GABRB2: variants seen among roughly 807,000 people sequenced by gnomAD.
GABRB2 encodes the protein gamma-aminobutyric acid type A receptor subunit beta2, also known as gamma-aminobutyric acid receptor subunit beta-2.
In GABRB2, 16 loss-of-function variants were observed where a neutral mutation model predicts 54.7. The ratio of observed to expected loss-of-function variants is 0.29; its 90% CI spans 0.20 to 0.44. The LOEUF is 0.44. Ranked by LOEUF, GABRB2 falls within the 20% of genes least tolerant of loss-of-function variation. The pLI is 1.00. For missense variants in GABRB2, 355 were observed against 644.0 expected, an observed-to-expected ratio of 0.55 and a Z score of 4.86; for synonymous variants, 244 against 233.8, an observed-to-expected ratio of 1.04 and a Z score of -0.40.
intron 9 of GABRB2, among the ~76,000 whole-genome samples, chr5:161,323,510 T>C (rs1758277467): frequency 6.6e-6 from 1 of 152,200 alleles, no homozygotes; most frequent in Non-Finnish European, 1.5e-5. Context: ...TAGGTAGATT[T>C]CTTCTGATTC....
chr5:161,388,210 C>T (rs981797794), intron 5 of GABRB2, among the ~76,000 whole-genome samples: 3 of 152,086 alleles, frequency 2.0e-5, no homozygotes, highest in African/African-American at 7.2e-5. Context: ...CTATGGATGT[C>T]ACATACATGA....
In GABRB2 at chr5:161,426,838, G is replaced by T. The variant is rs183407719; in HGVS notation, c.459-15781C>A. On this transcript the variant is annotated intron_variant, in intron 4 of 9. Transcript: ENST00000393959. ...GGCAAGGATTAAAGCGATCACACTT[G>T]ATCTCTGGATGAAAAAAAAGAAAAT... Among the ~76,000 whole-genome samples the T allele has an allele frequency of 2.8e-4, 43 of 152,148 alleles. No individual in the cohort carries two copies. The East Asian group carries it at 7.9e-3, about 28-fold the overall frequency.
intron 5 of GABRB2, among the ~76,000 whole-genome samples, chr5:161,377,442 G>T (rs1445575317): frequency 6.6e-6 from 1 of 152,064 alleles, no homozygotes; most frequent in Non-Finnish European, 1.5e-5. Context: ...TGCTGTTACT[G>T]AGAGATTAAA....
At chr5:161,360,657 C>A (rs1306905064) in intron 5 of GABRB2, among the ~76,000 whole-genome samples, 2 of 151,918 alleles carry the variant, frequency 1.3e-5, no homozygotes, top group East Asian at 3.9e-4. Flanking sequence ...TAAGAAAGAA[C>A]AATAGAATGA....
intron 9 of GABRB2, among the ~76,000 whole-genome samples, chr5:161,307,046 G>C (rs1430998160): frequency 6.6e-6 from 1 of 152,182 alleles, no homozygotes; most frequent in Non-Finnish European, 1.5e-5. Flanking sequence ...GATGCTAAAT[G>C]ATGTGCAGCT....
intron 9 of GABRB2, among the ~76,000 whole-genome samples, chr5:161,320,550 A>C (rs548712174): frequency 3.1e-4 from 47 of 152,012 alleles, no homozygotes; most frequent in African/African-American, 1.1e-3. Flanking sequence ...AATTATGATT[A>C]TAAAACTATC....
chr5:161,446,623 T>G (rs1757621635), intron 4 of GABRB2, among the ~76,000 whole-genome samples: 1 of 152,154 alleles, frequency 6.6e-6, no homozygotes, highest in Non-Finnish European at 1.5e-5. Flanking sequence ...TTGAACAAGT[T>G]ACTGAATTTG....
At chr5:161,508,171 T>C (rs547010310) in intron 3 of GABRB2, among the ~76,000 whole-genome samples, 1 of 151,836 alleles carries the variant, frequency 6.6e-6, no homozygotes, top group East Asian at 1.9e-4. Flanking sequence ...TTTCTAGATA[T>C]AAACCTATTT....
At chr5:161,412,904 T>G (rs1203964655) in intron 4 of GABRB2, among the ~76,000 whole-genome samples, 3 of 152,202 alleles carry the variant, frequency 2.0e-5, no homozygotes, top group South Asian at 4.1e-4. Context: ...TTTTGCTTAT[T>G]TATGGCTTGT....
chr5:161,328,346 T>A (rs1239493399), intron 8 of GABRB2, among the ~76,000 whole-genome samples: 1 of 152,186 alleles, frequency 6.6e-6, no homozygotes, highest in Non-Finnish European at 1.5e-5. Flanking sequence ...TATATTTTAA[T>A]ATTTTATTAA....
intron 3 of GABRB2, among the ~76,000 whole-genome samples, chr5:161,511,135 C>T (rs1759755994): frequency 6.6e-6 from 1 of 151,896 alleles, no homozygotes; most frequent in African/African-American, 2.4e-5. Context: ...TATAGGGGTA[C>T]TTTCTCAAAA....
At chr5:161,521,093 A>T (rs1037790949) in intron 3 of GABRB2, among the ~76,000 whole-genome samples, 4 of 151,984 alleles carry the variant, frequency 2.6e-5, no homozygotes, top group African/African-American at 9.7e-5. Context: ...GGCAAGCTGG[A>T]GGACTACTTG....
chr5:161,330,671 C>A (rs879561332), intron 8 of GABRB2: 8 of 601,968 alleles, frequency 1.3e-5, no homozygotes, highest in Non-Finnish European at 1.1e-5. Context: ...TTGGTCACTC[C>A]TCTTGTTAAT....
chr5:161,436,587 C>T (rs1757317588), intron 4 of GABRB2, among the ~76,000 whole-genome samples: 1 of 151,282 alleles, frequency 6.6e-6, no homozygotes, highest in Non-Finnish European at 1.5e-5. Flanking sequence ...AGCAAGATGG[C>T]AGAATAGAGA....
At chr5:161,364,835 A>T (rs1229671335) in intron 5 of GABRB2, among the ~76,000 whole-genome samples, 3 of 152,142 alleles carry the variant, frequency 2.0e-5, no homozygotes, top group Admixed American at 2.0e-4. Flanking sequence ...TATATTATTT[A>T]AAAGACTCTT....
chr5:161,524,697 C>T (rs1291362911), intron 3 of GABRB2, among the ~76,000 whole-genome samples: 2 of 151,166 alleles, frequency 1.3e-5, no homozygotes, highest in African/African-American at 4.8e-5. Flanking sequence ...GAATAGAATA[C>T]AACATGATCT....
chr5:161,439,096 C>T (rs1459390865), intron 4 of GABRB2, among the ~76,000 whole-genome samples: 1 of 152,116 alleles, frequency 6.6e-6, no homozygotes, highest in East Asian at 1.9e-4. Context: ...TAATTCAAGG[C>T]ATTTAATAAT....
intron 3 of GABRB2, 88 bp from the exon 4 acceptor site, chr5:161,459,932 G>T: frequency 1.4e-6 from 1 of 694,334 alleles, no homozygotes; most frequent in South Asian, 2.3e-5. Context: ...ATAAGAAAAT[G>T]AATTTATTTT....
At chr5:161,364,731 C>T (rs1162649257) in intron 5 of GABRB2, among the ~76,000 whole-genome samples, 9 of 152,082 alleles carry the variant, frequency 5.9e-5, no homozygotes, top group Admixed American at 5.9e-4. Context: ...TAATTAGCCA[C>T]TTAACCTAAA....
Sources: gnomAD v4.1 joint callset for allele counts (sites outside exome capture counted in the v4.1 genomes callset) on GRCh38, gnomAD v4.1.1 for gene constraint, MANE v1.5 for transcripts, NCBI Gene and HGNC (gene_info 2026-07-23, HGNC 2026-07-21) for gene names.